IGSF10: variants seen among roughly 807,000 people sequenced by gnomAD.
IGSF10 encodes the protein calvaria mechanical force protein 608.
In IGSF10, 126 loss-of-function variants were observed where a neutral mutation model predicts 128.2. The ratio of observed to expected loss-of-function variants is 0.98; its 90% CI spans 0.85 to 1.14. IGSF10 has a LOEUF of 1.14. IGSF10 is among the 50% of genes most tolerant of loss of function. The probability of loss-of-function intolerance (pLI) is 0.00; values close to 1 mark genes in which losing one functional copy is unlikely to be tolerated. For missense variants in IGSF10, 3,295 were observed against 3,149.8 expected (o/e 1.05, Z -1.10); for synonymous variants, 1,185 against 1,146.2 (o/e 1.03, Z -0.68).
At chr3:151,476,364 G>T in the IGSF10 span, among the ~76,000 whole-genome samples, 3 of 152,016 alleles carry the variant, frequency 2.0e-5, no homozygotes, top group South Asian at 2.1e-4. Context: ...TTTAATGAGC[G>T]CCTGGGTGTA....
the IGSF10 span, among the ~76,000 whole-genome samples, chr3:151,608,390 T>C: frequency 6.6e-6 from 1 of 152,198 alleles, no homozygotes; most frequent in African/African-American, 2.4e-5. Context: ...ACTGAGATAA[T>C]GTAGGACATC....
the IGSF10 span, among the ~76,000 whole-genome samples, chr3:151,512,436 C>A: frequency 1.3e-5 from 2 of 151,958 alleles, no homozygotes; most frequent in Admixed American, 6.6e-5. Flanking sequence ...CACAACATAC[C>A]AGAATCTCTG....
chr3:151,591,545 G>A, the IGSF10 span, among the ~76,000 whole-genome samples: 1 of 151,202 alleles, frequency 6.6e-6, no homozygotes, highest in Admixed American at 6.6e-5. Context: ...AGTTGTGAAG[G>A]AGAAAAAGGG....
the IGSF10 span, among the ~76,000 whole-genome samples, chr3:151,587,446 A>G: frequency 6.6e-6 from 1 of 152,224 alleles, no homozygotes; most frequent in Non-Finnish European, 1.5e-5. Flanking sequence ...TTATTTTTAA[A>G]AAGAGTAGCT....
chr3:151,598,158 C>A, the IGSF10 span, among the ~76,000 whole-genome samples: 1 of 151,742 alleles, frequency 6.6e-6, no homozygotes, highest in Non-Finnish European at 1.5e-5. Context: ...TTCTTCCCCC[C>A]ACCGCCATCC....
chr3:151,599,058 T>C, the IGSF10 span, among the ~76,000 whole-genome samples: 1 of 152,036 alleles, frequency 6.6e-6, no homozygotes, highest in Non-Finnish European at 1.5e-5. Context: ...TCCATGTGGA[T>C]AGGGTGTGTG....
the IGSF10 span, among the ~76,000 whole-genome samples, chr3:151,513,555 T>C: frequency 6.6e-6 from 1 of 152,222 alleles, no homozygotes; most frequent in African/African-American, 2.4e-5. Flanking sequence ...CTTTGAAAAC[T>C]GGCACAAGAC....
chr3:151,618,011 G>T, the IGSF10 span, among the ~76,000 whole-genome samples: 1 of 152,176 alleles, frequency 6.6e-6, no homozygotes, highest in Non-Finnish European at 1.5e-5. Context: ...GTTATAGACT[G>T]AATGTTCATG....
chr3:151,560,816 A>C, the IGSF10 span, among the ~76,000 whole-genome samples: 9 of 152,254 alleles, frequency 5.9e-5, no homozygotes. Flanking sequence ...TGTTTGTTTA[A>C]GCTACAAGAT....
chr3:151,495,321 G>A, the IGSF10 span, among the ~76,000 whole-genome samples: 24 of 152,108 alleles, frequency 1.6e-4, no homozygotes, highest in Non-Finnish European at 3.1e-4. Flanking sequence ...AACAGAGAAG[G>A]TCAGTTGCAA....
rs1262744138 is a variant in IGSF10 at position 151,443,296 on chromosome 3, A to G, written c.5651T>C (p.Val1884Ala). ...VYWVLSDGTE[V>A]KPLQFTNSKL... is the part of the protein sequence containing the mutation. ...GGAATTGGTAAACTGTAATGGTTTC[A>G]CTTCAGTGCCATCAGAGAGGACCCA... Residue 1884 changes from valine to alanine, a missense_variant, in exon 7 of 8, where the codon GTG (valine) becomes GCG (alanine). Transcript: ENST00000282466. 5 of 1,613,644 alleles carry G rather than the reference A, an allele frequency of 3.1e-6. No homozygotes were observed. The highest frequency in any genetic ancestry group is 1.3e-5 in the African/African-American group (1 of 74,904).
At chr3:151,617,707 A>G in the IGSF10 span, among the ~76,000 whole-genome samples, 1 of 152,064 alleles carries the variant, frequency 6.6e-6, no homozygotes, top group Non-Finnish European at 1.5e-5. Flanking sequence ...GCAAAGTGTT[A>G]TAGTGTGAAT....
the IGSF10 span, among the ~76,000 whole-genome samples, chr3:151,541,026 A>G: frequency 2.0e-5 from 3 of 152,202 alleles, no homozygotes; most frequent in African/African-American, 7.2e-5. Context: ...GAGGGAGTTC[A>G]GTTCCAGATA....
chr3:151,487,938 C>T, the IGSF10 span, among the ~76,000 whole-genome samples: 18 of 152,250 alleles, frequency 1.2e-4, 1 homozygote, highest in East Asian at 3.3e-3. Context: ...GATGCCCTCT[C>T]TCACCACTCC....
rs1482462618 is a variant in IGSF10, at chr3:151,458,536, A to G, written c.174T>C (p.Asn58=). ...LTSIPDSIPP[N]VERINLGYNS... ...CACACCCTAAATTGATGCGTTCCAC[A>G]TTGGGCGGGATGCTGTCTGGGATGG... Residue 58 remains asparagine, a synonymous_variant, in exon 3 of 8, where the codon AAT becomes AAC. Coordinates refer to ENST00000282466, the MANE Select transcript of IGSF10 (RefSeq NM_178822.5). 19 of 1,613,872 alleles carry G rather than the reference A, an allele frequency of 1.2e-5. No individual in the cohort carries two copies. The highest frequency in any genetic ancestry group is 1.5e-5 in the Non-Finnish European group (18 of 1,179,910).
chr3:151,460,292 TGTGACA>T lies in IGSF10; in HGVS notation c.-39_-34del. 8.1e-6 allele frequency: 8 copies of T among 982,656 alleles called. No individual in the cohort carries two copies. The highest frequency in any genetic ancestry group is 9.7e-6 in the Non-Finnish European group (8 of 827,370). The allele number at this position is 982,656 out of a possible 1,614,324, so 60.9% of individuals were successfully genotyped here. A position where few individuals can be genotyped will look rare whatever the true frequency, so the allele number is the denominator to read the frequency against. ...TCTTCTTTCAGGTCCTGAGTCCTCT[TGTGACA>T]TAGGCAGAGACAGAAAATCTTCCCA... is the stretch of plus-strand genomic sequence containing the variant. On this transcript the variant is annotated 5_prime_UTR_variant, in exon 2 of 8. The change abolishes an upstream ATG in the 5' untranslated region. Coordinates refer to ENST00000282466, the MANE Select transcript of IGSF10 (RefSeq NM_178822.5).
the IGSF10 span, among the ~76,000 whole-genome samples, chr3:151,474,634 C>A: frequency 6.6e-6 from 1 of 152,092 alleles, no homozygotes; most frequent in Admixed American, 6.5e-5. Context: ...TAAACCTTAA[C>A]TTGGTTAATT....
the IGSF10 span, among the ~76,000 whole-genome samples, chr3:151,480,583 C>A: frequency 1.3e-5 from 2 of 152,104 alleles, no homozygotes; most frequent in Non-Finnish European, 2.9e-5. Context: ...AGAGTGCATG[C>A]TATTCCAGTG....
chr3:151,448,824 A>G lies in IGSF10; in HGVS notation c.1157T>C (p.Leu386Pro). 1 of 1,613,624 alleles carries G rather than the reference A, an allele frequency of 6.2e-7. No homozygotes were observed. Among genetic ancestry groups the G allele is most frequent in the Non-Finnish European group, 8.5e-7 (1 of 1,179,498 alleles). ...QILALYSDSPLILERSHLLSE... is the reference protein window; with the variant it reads ...QILALYSDSPPILERSHLLSE... The stretch of plus-strand genomic sequence containing the variant: ...AAGCAAGTGGCTCCTTTCTAGTATC[A>G]GAGGAGAATCACTGTACAAAGCCAA... Residue 386 changes from leucine to proline, a missense_variant, in exon 6 of 8, where the codon CTG becomes CCG. Physicochemically the swap from Leu to Pro is moderately conservative, Grantham distance 98. Transcript: ENST00000282466.
Sources: allele counts gnomAD v4.1 joint callset (sites outside exome capture counted in the v4.1 genomes callset), GRCh38; gene constraint gnomAD v4.1.1; transcripts MANE v1.5; gene names NCBI Gene and HGNC (gene_info 2026-07-23, HGNC 2026-07-21).